OTOF: variants seen among roughly 807,000 people sequenced by gnomAD.
The protein encoded by OTOF is otoferlin, also known as fer-1-like family member 2.
Under a neutral mutation model 236.8 loss-of-function variants are expected in OTOF, and 218 were observed. The ratio of observed to expected loss-of-function variants is 0.92; its 90% CI spans 0.82 to 1.03. The LOEUF (loss-of-function observed/expected upper bound fraction) is 1.03. Among genes scored for constraint, OTOF ranks in the 50% least tolerant of loss-of-function variants. The pLI, the probability that OTOF is intolerant of heterozygous loss-of-function variation, is 0.00. For missense variants in OTOF, 2,590 were observed against 2,694.4 expected, an observed-to-expected ratio of 0.96 and a Z score of 0.86; for synonymous variants, 1,041 against 1,072.5, an observed-to-expected ratio of 0.97 and a Z score of 0.57.
rs1199795953 is a variant in OTOF, at chr2:26,458,231, G to C, written c.*18-11C>G. The C allele has an allele frequency of 6.4e-7, 1 of 1,565,622 alleles. No homozygotes were observed. Among genetic ancestry groups the C allele is most frequent in the Admixed American group, 1.9e-5 (1 of 52,170 alleles). On this transcript the variant is annotated splice_polypyrimidine_tract_variant and intron_variant, in intron 46 of 46. Coordinates refer to ENST00000272371, the MANE Select transcript of OTOF (RefSeq NM_194248.3). ...GCCGTGTCGGGCCGGCTGGGAAGTG[G>C]AAGAGAGGAGCCGGTCAGCCAGTGG...
chr2:26,505,610 A>T (rs192541171), intron 5 of OTOF, among the ~76,000 whole-genome samples: 1 of 152,354 alleles, frequency 6.6e-6, no homozygotes, highest in African/African-American at 2.4e-5. Flanking sequence ...AGAGGGGACA[A>T]TAATCGCGAG....
Position 26,474,534 on chromosome 2 carries a change from C to T in OTOF, c.3267G>A (p.Leu1089=). 6.2e-7 allele frequency: 1 copy of T among 1,611,968 alleles called. No individual in the cohort carries two copies. Among genetic ancestry groups the T allele is most frequent in the Non-Finnish European group, 8.5e-7 (1 of 1,179,464 alleles). Residue 1089 remains leucine (L), a synonymous_variant, in exon 26 of 47, where the codon CTG becomes CTA. Coordinates refer to ENST00000272371, the MANE Select transcript of OTOF (RefSeq NM_194248.3). ...CCACCTGCAGCAGCTCGAAGGCCGC[C>T]AGCAGGTCTCCAGCTGTGGCGTTGC... ...YRGNATAGDL[L]AAFELLQIGP... is the part of the protein sequence containing the mutation.
chr2:26,550,271 C>T (rs1015703276), intron 1 of OTOF, among the ~76,000 whole-genome samples: 1 of 152,146 alleles, frequency 6.6e-6, no homozygotes, highest in East Asian at 1.9e-4. Flanking sequence ...TAAAAATGAT[C>T]ACATGATAGT....
chr2:26,484,368 G>A, intron 12 of OTOF, 106 bp downstream of exon 12: 1 of 1,209,684 alleles, frequency 8.3e-7, no homozygotes, highest in Non-Finnish European at 1.2e-6. Context: ...CGAGAGCAGG[G>A]TGAGGGAGAC....
intron 3 of OTOF, among the ~76,000 whole-genome samples, chr2:26,520,169 C>G (rs1666642266): frequency 6.6e-6 from 1 of 152,162 alleles, no homozygotes; most frequent in East Asian, 1.9e-4. Flanking sequence ...GATTAGAATA[C>G]ACACACCATT....
At chr2:26,495,836 T>G (rs1385750520) in intron 8 of OTOF, among the ~76,000 whole-genome samples, 1 of 152,250 alleles carries the variant, frequency 6.6e-6, no homozygotes, top group Non-Finnish European at 1.5e-5. Context: ...ACAGGTTTCA[T>G]GCACTCAGGA....
intron 8 of OTOF, among the ~76,000 whole-genome samples, chr2:26,501,121 T>C (rs550277928): frequency 1.3e-5 from 2 of 152,298 alleles, no homozygotes; most frequent in East Asian, 3.9e-4. Flanking sequence ...AGAGATGGTG[T>C]CCCAGCAGCC....
chr2:26,536,880 T>C (rs1211971815), intron 2 of OTOF, among the ~76,000 whole-genome samples: 2 of 152,048 alleles, frequency 1.3e-5, no homozygotes, highest in Admixed American at 6.5e-5. Flanking sequence ...AGCAAACACA[T>C]AGACGAAAGA....
At chr2:26,469,839 A>T (rs935677783) in intron 32 of OTOF, among the ~76,000 whole-genome samples, 1 of 152,216 alleles carries the variant, frequency 6.6e-6, no homozygotes, top group African/African-American at 2.4e-5. Flanking sequence ...GGCCTGGGAG[A>T]GGATGTGGCT....
chr2:26,502,829 T>G (rs969577169), intron 6 of OTOF, among the ~76,000 whole-genome samples: 1 of 152,238 alleles, frequency 6.6e-6, no homozygotes, highest in Admixed American at 6.5e-5. Flanking sequence ...TCCTTAGAGC[T>G]GTGCCCTGCC....
In OTOF at chr2:26,473,984, C is replaced by G. The variant is rs1665125618; in HGVS notation, c.3408+7G>C. On this transcript the variant is annotated splice_region_variant and intron_variant, in intron 27 of 46. Transcript: ENST00000272371. This position sits in a 1 kb window ranked among gnomAD's most constrained non-coding sequence, Gnocchi z 7.2. The stretch of plus-strand genomic sequence containing the variant: ...CAAAAGGGAAGGGCCACACAGAGCC[C>G]TCGCACCTCCACTCGGTACTTGCTG... 6.2e-7 allele frequency: 1 copy of G among 1,612,740 alleles called. No homozygotes were observed. Among genetic ancestry groups the G allele is most frequent in the Admixed American group, 1.7e-5 (1 of 59,984 alleles).
chr2:26,473,607 C>T lies in OTOF; in HGVS notation c.3409-40G>A, dbSNP rs1168286447. 2 of 1,566,702 alleles carry T rather than the reference C, an allele frequency of 1.3e-6. No individual in the cohort carries two copies. The highest frequency in any genetic ancestry group is 3.5e-5 in the Admixed American group (2 of 56,740). ...AGGGTGGGTGCAGAGAAGAGAGCCCCTTAGTCAAGGGAGCCAGCCATGGGG... is the reference window on the plus strand; with the variant it reads ...AGGGTGGGTGCAGAGAAGAGAGCCCTTTAGTCAAGGGAGCCAGCCATGGGG... On this transcript the variant is annotated intron_variant, in intron 27 of 46. Transcript: ENST00000272371. The surrounding 1 kb of genome is among the most constrained non-coding windows in gnomAD (Gnocchi z 7.2).
chr2:26,483,560 T>C lies in OTOF; in HGVS notation c.1294A>G (p.Met432Val). The change falls in exon 13 of 47, where the codon ATG becomes GTG. Residue 432 changes from methionine (M) to valine (V), a missense_variant. Around this residue, in one of 2 missense-constraint regions of OTOF, gnomAD observed 1,379 missense variants for 1,341.6 expected, o/e 1.03. Coordinates refer to ENST00000272371, the MANE Select transcript of OTOF (RefSeq NM_194248.3). ...KIYRAEGLPR[M>V]NTSLMANVKK... is the part of the protein sequence containing the mutation. ...ACATTGGCCATGAGGCTTGTGTTCA[T>C]ACGGGGCAGCCCCTCTGCTCGGTAA... 4 of 1,614,004 alleles carry C rather than the reference T, an allele frequency of 2.5e-6. No homozygotes were observed. The highest frequency in any genetic ancestry group is 2.2e-5 in the East Asian group (1 of 44,892).
chr2:26,463,952 T>C lies in OTOF; in HGVS notation c.5103+12A>G. 6.2e-7 allele frequency: 1 copy of C among 1,613,806 alleles called. No homozygotes were observed. The highest frequency in any genetic ancestry group is 1.1e-5 in the South Asian group (1 of 91,088). ...TACCCAAGAACCCCAGTCTTGGCCA[T>C]GCAAGTGTCACCTGCTCGATGCCCG... On this transcript the variant is annotated intron_variant, in intron 40 of 46. Coordinates refer to ENST00000272371, the MANE Select transcript of OTOF (RefSeq NM_194248.3).
intron 46 of OTOF, among the ~76,000 whole-genome samples, chr2:26,458,964 C>T (rs958092621): frequency 2.0e-5 from 3 of 152,178 alleles, no homozygotes; most frequent in African/African-American, 7.2e-5. Flanking sequence ...CTATCAACCT[C>T]GGTTTCTTCA....
At chr2:26,475,834 C>T in intron 24 of OTOF, 80 bp downstream of exon 24, 1 of 1,525,996 alleles carries the variant, frequency 6.6e-7, no homozygotes, top group Non-Finnish European at 8.8e-7. Context: ...CTCACAGGCC[C>T]CACAGGCTCC....
chr2:26,462,045 C>G lies in OTOF; in HGVS notation c.5291+38G>C, dbSNP rs1664490808. On this transcript the variant is annotated intron_variant, in intron 42 of 46. Coordinates refer to ENST00000272371, the MANE Select transcript of OTOF (RefSeq NM_194248.3). The surrounding 1 kb of genome is among the most constrained non-coding windows in gnomAD (Gnocchi z 4.7). ...CTGCCCCCCGGGAAGCAAGCCCCAC[C>G]CAGCTCAGTCCCTCCCATGCAGGGA... is the stretch of plus-strand genomic sequence containing the variant. The G allele has an allele frequency of 6.3e-7, 1 of 1,591,396 alleles. No individual in the cohort carries two copies. Among genetic ancestry groups the G allele is most frequent in the African/African-American group, 1.3e-5 (1 of 74,422 alleles).
In OTOF at chr2:26,468,348, G is replaced by A. The variant is rs1664828811; in HGVS notation, c.4090+60C>T. The A allele has an allele frequency of 6.2e-6, 8 of 1,284,690 alleles. No homozygotes were observed. In the South Asian group the frequency reaches 8.3e-5, roughly 13 times the overall value. 79.6% of individuals were successfully genotyped at this position (1,284,690 alleles called of 1,614,324 possible). A position where few individuals can be genotyped will look rare whatever the true frequency, so the allele number is the denominator to read the frequency against. ...AGAGAAGCAGGTGATGAGGTGGGCA[G>A]GAGAGCTGACCACCCAGGGGCGGGG... On this transcript the variant is annotated intron_variant, in intron 33 of 46. Transcript: ENST00000272371.
rs751061542 is a variant in OTOF, at chr2:26,476,161, G to GCAGGCC, written c.2827_2832dup (p.Gly943_Leu944dup). ...ACCAGGCTGACGGGTGGGAAGGCAT[G>GCAGGCC]CAGGCCCAGGCCCTGGGCTGCCTTG... On this transcript the variant is annotated inframe_insertion, in exon 23 of 47. Transcript: ENST00000272371. The GCAGGCC allele has an allele frequency of 2.5e-6, 4 of 1,611,086 alleles. No individual in the cohort carries two copies. Among genetic ancestry groups the GCAGGCC allele is most frequent in the Admixed American group, 1.7e-5 (1 of 59,986 alleles).
Sources: gnomAD v4.1 joint callset for allele counts (sites outside exome capture counted in the v4.1 genomes callset) on GRCh38, gnomAD v4.1.1 for gene constraint, gnomAD v4.1.1 regional missense constraint, Gnocchi (gnomAD v3.1) non-coding constraint, MANE v1.5 for transcripts, NCBI Gene and HGNC (gene_info 2026-07-23, HGNC 2026-07-21) for gene names.